NXPE2: variants seen among roughly 807,000 people sequenced by gnomAD.
NXPE2 encodes NXPE family member 2.
A neutral mutation model predicts 34.4 loss-of-function variants in NXPE2; 34 were observed. The observed-to-expected ratio is 0.99, with a 90% confidence interval of 0.75 to 1.31. NXPE2 has a LOEUF of 1.31. Ranked by LOEUF, NXPE2 falls within the 40% of genes most tolerant of loss-of-function variation. NXPE2 has a pLI of 0.00. For synonymous variants in NXPE2, 235 were observed against 231.3 expected (o/e 1.02, Z -0.15); for missense variants, 649 against 672.5 (o/e 0.97, Z 0.39).
At chr11:114,640,462 G>A in the NXPE2 span, among the ~76,000 whole-genome samples, 4 of 151,192 alleles carry the variant, frequency 2.6e-5, no homozygotes, top group African/African-American at 9.7e-5. Flanking sequence ...TTTTCCTCTG[G>A]GTAGACACCA....
chr11:114,802,226 T>A, the NXPE2 span, among the ~76,000 whole-genome samples: 1 of 152,168 alleles, frequency 6.6e-6, no homozygotes, highest in African/African-American at 2.4e-5. Context: ...TACAGTGCCA[T>A]TGGAGTGCTG....
At chr11:114,771,280 G>A in the NXPE2 span, among the ~76,000 whole-genome samples, 24 of 151,112 alleles carry the variant, frequency 1.6e-4, no homozygotes, top group East Asian at 2.1e-3. Context: ...CCAGAATACC[G>A]TAGTAACTCT....
chr11:114,757,497 A>G, the NXPE2 span, among the ~76,000 whole-genome samples: 5,609 of 152,192 alleles, frequency 0.037, 359 homozygotes, highest in African/African-American at 0.13. Context: ...AAGTTTTCAG[A>G]ACTTTTATAC....
At chr11:114,802,058 G>A in the NXPE2 span, among the ~76,000 whole-genome samples, 2 of 152,276 alleles carry the variant, frequency 1.3e-5, no homozygotes, top group African/African-American at 4.8e-5. Flanking sequence ...AATAGATAAA[G>A]ACAAGAAAAT....
At chr11:114,658,350 G>A in the NXPE2 span, among the ~76,000 whole-genome samples, 4 of 152,212 alleles carry the variant, frequency 2.6e-5, no homozygotes, top group Non-Finnish European at 4.4e-5. Context: ...TAGTATGAGA[G>A]TATAGAATTT....
chr11:114,554,931 G>A, the NXPE2 span, among the ~76,000 whole-genome samples: 30 of 152,154 alleles, frequency 2.0e-4, no homozygotes, highest in Admixed American at 5.9e-4. Flanking sequence ...AGCAGAGCTT[G>A]ATGTTTACCT....
chr11:114,723,880 C>G, the NXPE2 span, among the ~76,000 whole-genome samples: 1 of 152,132 alleles, frequency 6.6e-6, no homozygotes, highest in Non-Finnish European at 1.5e-5. Flanking sequence ...AATGTGGCAG[C>G]CTTGGTGCTC....
At chr11:114,535,245 A>G in the NXPE2 span, among the ~76,000 whole-genome samples, 1 of 152,230 alleles carries the variant, frequency 6.6e-6, no homozygotes, top group Admixed American at 6.5e-5. Flanking sequence ...AGATTTTGTC[A>G]CCACCAGGCC....
the NXPE2 span, among the ~76,000 whole-genome samples, chr11:114,625,621 G>A: frequency 2.0e-5 from 3 of 152,264 alleles, no homozygotes; most frequent in East Asian, 5.8e-4. Context: ...ATTGCCTCGT[G>A]GGTAACTGCT....
At chr11:114,582,010 A>G in the NXPE2 span, among the ~76,000 whole-genome samples, 4 of 152,248 alleles carry the variant, frequency 2.6e-5, no homozygotes, top group African/African-American at 9.6e-5. Context: ...GAAATAATGT[A>G]TTAGAGCACA....
At chr11:114,581,160 A>C in the NXPE2 span, among the ~76,000 whole-genome samples, 1 of 152,202 alleles carries the variant, frequency 6.6e-6, no homozygotes, top group Non-Finnish European at 1.5e-5. Flanking sequence ...GAGACATAAA[A>C]GCTCTTGCCT....
At chr11:114,600,758 G>T in the NXPE2 span, among the ~76,000 whole-genome samples, 1 of 151,940 alleles carries the variant, frequency 6.6e-6, no homozygotes. Flanking sequence ...GTGTACCAAT[G>T]TTAATTTCTT....
the NXPE2 span, among the ~76,000 whole-genome samples, chr11:114,649,037 G>A: frequency 1.3e-5 from 2 of 151,748 alleles, no homozygotes; most frequent in Admixed American, 6.6e-5. Context: ...TACAGTCCTT[G>A]TTTATGTAAC....
the NXPE2 span, among the ~76,000 whole-genome samples, chr11:114,541,428 A>G: frequency 0.047 from 7,210 of 152,308 alleles, 264 homozygotes; most frequent in Non-Finnish European, 0.076. Flanking sequence ...AAGGATGGAG[A>G]AATATTTAGA....
the NXPE2 span, among the ~76,000 whole-genome samples, chr11:114,563,722 G>A: frequency 6.6e-6 from 1 of 152,182 alleles, no homozygotes; most frequent in South Asian, 2.1e-4. Flanking sequence ...ATTGAAAAAT[G>A]CTCAACATCA....
At chr11:114,565,988 G>A in the NXPE2 span, among the ~76,000 whole-genome samples, 2 of 152,114 alleles carry the variant, frequency 1.3e-5, no homozygotes, top group South Asian at 4.1e-4. Context: ...AATGAATCAA[G>A]GACAATTTAT....
the NXPE2 span, chr11:114,580,179 T>A: frequency 1.9e-6 from 3 of 1,614,012 alleles, no homozygotes; most frequent in African/African-American, 4.0e-5. Flanking sequence ...GATCGTGGAA[T>A]CTCCCATTAG....
the NXPE2 span, among the ~76,000 whole-genome samples, chr11:114,586,584 T>C: frequency 5.3e-5 from 8 of 152,142 alleles, no homozygotes; most frequent in Admixed American, 5.2e-4. Context: ...AATGTTGGCT[T>C]TGTTTCTAAT....
the NXPE2 span, among the ~76,000 whole-genome samples, chr11:114,635,766 T>C: frequency 2.6e-5 from 4 of 152,120 alleles, no homozygotes. Flanking sequence ...CTGGATTACA[T>C]TTATTGATTT....
Sources: allele counts gnomAD v4.1 joint callset (sites outside exome capture counted in the v4.1 genomes callset), GRCh38; gene constraint gnomAD v4.1.1; transcripts MANE v1.5; gene names NCBI Gene and HGNC (gene_info 2026-07-23, HGNC 2026-07-21).